Variants in CASK observed in about 807,000 individuals in gnomAD.
CASK encodes calcium/calmodulin dependent serine protein kinase.
A neutral mutation model predicts 82.9 loss-of-function variants in CASK; 4 were observed. That is an observed-to-expected ratio of 0.05 (90% CI 0.02 to 0.11). The LOEUF is 0.11. Among genes scored for constraint, CASK ranks in the 10% least tolerant of loss-of-function variants. The probability of loss-of-function intolerance (pLI) is 1.00; values close to 1 mark genes in which losing one functional copy is unlikely to be tolerated. For missense variants in CASK, 358 were observed against 720.9 expected (o/e 0.50, Z 5.76); for synonymous variants, 259 against 253.5 (o/e 1.02, Z -0.20).
intron 16 of CASK, among the ~76,000 whole-genome samples, chrX:41,564,418 G>A (rs957302115): frequency 1.8e-5 from 2 of 111,580 alleles, no homozygotes; most frequent in Admixed American, 9.6e-5. Flanking sequence ...TGAGTACAGT[G>A]GCGTGATCAT....
At chrX:41,611,762 T>C (rs1468612228) in intron 11 of CASK, among the ~76,000 whole-genome samples, 1 of 107,871 alleles carries the variant, frequency 9.3e-6, no homozygotes, top group Non-Finnish European at 1.9e-5. Flanking sequence ...GAAGCTGGAC[T>C]GTACTGCTGC....
intron 2 of CASK, among the ~76,000 whole-genome samples, chrX:41,818,005 G>A (rs781261522): frequency 3.3e-4 from 36 of 110,651 alleles, no homozygotes; most frequent in African/African-American, 1.1e-3. Context: ...TGCTAGTACT[G>A]TGTTAACTGA....
chrX:41,847,793 C>T (rs2071187556), intron 2 of CASK, among the ~76,000 whole-genome samples: 1 of 111,969 alleles, frequency 8.9e-6, no homozygotes, highest in Non-Finnish European at 1.9e-5. Context: ...ACTTAAGTCT[C>T]TGCTTATTTA....
At chrX:41,610,128 G>T in intron 11 of CASK, 103 bp from the exon 12 acceptor site, 2 of 802,433 alleles carry the variant, frequency 2.5e-6, no homozygotes, top group Non-Finnish European at 3.7e-6. Flanking sequence ...ATTCATATCA[G>T]AACTTCAAAG....
chrX:41,535,013 A>C (rs41310661), intron 22 of CASK, 40 bp from the exon 23 acceptor site: 8 of 854,144 alleles, frequency 9.4e-6, no homozygotes, highest in Admixed American at 2.4e-5. Flanking sequence ...AATTTGTAGA[A>C]TGACTATTTC....
Position 41,646,880 on chromosome X carries a change from C to T in CASK, c.832-10219G>A, listed in dbSNP as rs1054825426. 9.0e-5 allele frequency among the ~76,000 whole-genome samples: 10 copies of T among 111,651 alleles called. No homozygotes were observed. The South Asian group carries it at 1.5e-3, about 17-fold the overall frequency. On this transcript the variant is annotated intron_variant, in intron 8 of 26. Transcript: ENST00000378163. Reference sequence around the variant, plus strand: ...CGAGCTCAAGAAGGAATCTAGGTTCCGGTAACTTTACCTAGACCTTAGGTA... The same window carrying T: ...CGAGCTCAAGAAGGAATCTAGGTTCTGGTAACTTTACCTAGACCTTAGGTA...
chrX:41,796,922 G>A (rs1274824107), intron 2 of CASK, among the ~76,000 whole-genome samples: 3 of 111,657 alleles, frequency 2.7e-5, no homozygotes, highest in East Asian at 5.6e-4. Flanking sequence ...ACTCATTAAA[G>A]TGTCATCATA....
intron 21 of CASK, among the ~76,000 whole-genome samples, chrX:41,549,713 G>A (rs938246933): frequency 1.5e-4 from 16 of 109,502 alleles, no homozygotes; most frequent in African/African-American, 4.0e-4. Context: ...GGTGGCGGGC[G>A]CCTGTAATCC....
intron 2 of CASK, among the ~76,000 whole-genome samples, chrX:41,805,268 T>C (rs1454864470): frequency 8.9e-6 from 1 of 112,047 alleles, no homozygotes; most frequent in African/African-American, 3.2e-5. Context: ...ATCAATTTTC[T>C]GAATTAAAAA....
At chrX:41,718,009 C>T (rs2068092885) in intron 5 of CASK, among the ~76,000 whole-genome samples, 1 of 112,240 alleles carries the variant, frequency 8.9e-6, no homozygotes, top group African/African-American at 3.2e-5. Context: ...AAGGTTGGAA[C>T]ATTTAGCCCT....
chrX:41,774,616 G>A (rs1377687370), intron 3 of CASK, among the ~76,000 whole-genome samples: 9 of 111,263 alleles, frequency 8.1e-5, no homozygotes, highest in Non-Finnish European at 1.1e-4. Flanking sequence ...GAGGCATCAC[G>A]CTACCCAACT....
intron 5 of CASK, among the ~76,000 whole-genome samples, chrX:41,737,682 T>C (rs1156946224): frequency 1.8e-5 from 2 of 112,719 alleles, no homozygotes; most frequent in African/African-American, 3.2e-5. Flanking sequence ...TTGTCAATCA[T>C]TGTTTATTAT....
intron 24 of CASK, among the ~76,000 whole-genome samples, chrX:41,534,392 A>AACACACAC (rs56349527): frequency 3.9e-3 from 354 of 91,223 alleles, no homozygotes; most frequent in Middle Eastern, 5.6e-3. Flanking sequence ...TTTTATTTAA[A>AACACACAC]ACACACACAC....
chrX:41,810,888 T>C (rs1241402497), intron 2 of CASK, among the ~76,000 whole-genome samples: 5 of 111,316 alleles, frequency 4.5e-5, no homozygotes, highest in African/African-American at 1.3e-4. Flanking sequence ...TGGAGGAAGA[T>C]CTACCAAGCA....
chrX:41,845,166 G>A (rs1438828263), intron 2 of CASK, among the ~76,000 whole-genome samples: 1 of 112,031 alleles, frequency 8.9e-6, no homozygotes, highest in Non-Finnish European at 1.9e-5. Context: ...TTGTTGAGTG[G>A]AGTGTTCTAC....
At chrX:41,589,856 T>C (rs992872517) in intron 12 of CASK, 7 of 329,981 alleles carry the variant, frequency 2.1e-5, no homozygotes, top group Non-Finnish European at 3.2e-5. Flanking sequence ...CATTTAAAAT[T>C]CATCAATATT....
At chrX:41,528,729 AG>A (rs1269945921) in intron 25 of CASK, among the ~76,000 whole-genome samples, 1 of 111,876 alleles carries the variant, frequency 8.9e-6, no homozygotes, top group Non-Finnish European at 1.9e-5. Context: ...GGAGTGGGAA[AG>A]GGGGATGGAG....
At chrX:41,873,199 C>T (rs765680190) in intron 1 of CASK, among the ~76,000 whole-genome samples, 2 of 105,504 alleles carry the variant, frequency 1.9e-5, no homozygotes, top group East Asian at 5.9e-4. Context: ...GTATTTTTGA[C>T]CCTGACCCAA....
chrX:41,543,025 T>C (rs889022167), intron 21 of CASK, among the ~76,000 whole-genome samples: 1 of 112,167 alleles, frequency 8.9e-6, no homozygotes, highest in African/African-American at 3.2e-5. Context: ...TGGTATTCCT[T>C]GAACATATAC....
Sources: allele counts gnomAD v4.1 joint callset (sites outside exome capture counted in the v4.1 genomes callset), GRCh38; gene constraint gnomAD v4.1.1; transcripts MANE v1.5; gene names NCBI Gene and HGNC (gene_info 2026-07-23, HGNC 2026-07-21).